EIF2AK2: variants seen among roughly 807,000 people sequenced by gnomAD.
EIF2AK2 encodes the protein eukaryotic translation initiation factor 2 alpha kinase 2.
In EIF2AK2, 40 loss-of-function variants were observed where a neutral mutation model predicts 70.5. The observed-to-expected ratio is 0.57, with a 90% CI of 0.44 to 0.74. EIF2AK2 has a LOEUF of 0.74. Among genes scored for constraint, EIF2AK2 ranks in the 30% least tolerant of loss-of-function variants. The pLI is 0.00. For missense variants in EIF2AK2, 555 were observed against 644.3 expected, an observed-to-expected ratio of 0.86 and a Z score of 1.50; for synonymous variants, 198 against 220.9, an observed-to-expected ratio of 0.90 and a Z score of 0.92.
rs1673977890 is a variant in EIF2AK2, at chr2:37,106,796, C to A, written c.*477G>T. On this transcript the variant is annotated 3_prime_UTR_variant, in exon 17 of 17. Coordinates refer to ENST00000233057, the MANE Select transcript of EIF2AK2 (RefSeq NM_001135651.3). The stretch of plus-strand genomic sequence containing the variant: ...CGGTGGCTCATCCCTGTAATCCCAG[C>A]ACTTTGGGAGGCCGAGGCAGGTGGA... The A allele has an allele frequency of 6.6e-6, 1 of 152,648 alleles. No homozygotes were observed. The allele number at this position is 152,648 out of a possible 1,614,324, so 9.5% of individuals were successfully genotyped here.
intron 13 of EIF2AK2, 114 bp downstream of exon 13, chr2:37,119,845 G>T: frequency 1.8e-6 from 1 of 540,836 alleles, no homozygotes; most frequent in Non-Finnish European, 2.7e-6. Context: ...GCCTGCCTCA[G>T]CCTCCCAAAG....
In EIF2AK2 at chr2:37,147,125, C is replaced by T. The variant is rs954522545; in HGVS notation, c.120-152G>A. ...TAAGCAGTCACCTCAAACAGTAAAG[C>T]AGCATGTCTTGTTGAAGCATGGAAA... On this transcript the variant is annotated intron_variant, in intron 3 of 16. Transcript: ENST00000233057. The T allele has an allele frequency of 7.3e-6, 5 of 680,808 alleles. No homozygotes were observed. In the African/African-American group the frequency reaches 9.3e-5, roughly 13 times the overall value. The allele number at this position is 680,808 out of a possible 1,614,324, so 42.2% of individuals were successfully genotyped here.
chr2:37,147,587 G>A, intron 3 of EIF2AK2, 101 bp downstream of exon 3: 1 of 718,312 alleles, frequency 1.4e-6, no homozygotes, highest in Non-Finnish European at 2.3e-6. Context: ...CCTTGCGATA[G>A]TTTGCTGAGA....
intron 10 of EIF2AK2, among the ~76,000 whole-genome samples, chr2:37,134,124 C>A (rs1361852337): frequency 6.6e-6 from 1 of 152,162 alleles, no homozygotes; most frequent in Non-Finnish European, 1.5e-5. Context: ...GAAAACGTAA[C>A]CCTAATCTAT....
intron 13 of EIF2AK2, among the ~76,000 whole-genome samples, chr2:37,118,446 G>A (rs10172065): frequency 0.012 from 1,793 of 152,294 alleles, 39 homozygotes; most frequent in African/African-American, 0.041. Context: ...CACACGGTGT[G>A]GGGCATAGTT....
chr2:37,110,545 G>C (rs558025966), intron 14 of EIF2AK2, among the ~76,000 whole-genome samples: 107 of 152,276 alleles, frequency 7.0e-4, no homozygotes, highest in African/African-American at 2.4e-3. Flanking sequence ...AGAGCCACTG[G>C]CCTATTGTGT....
intron 1 of EIF2AK2, chr2:37,149,263 A>G: frequency 9.3e-7 from 1 of 1,077,206 alleles, no homozygotes; most frequent in Non-Finnish European, 1.4e-6. Context: ...GCAAACTGAA[A>G]TTGAAGGAGG....
chr2:37,136,635 G>A (rs941571177), intron 9 of EIF2AK2: 1 of 162,208 alleles, frequency 6.2e-6, no homozygotes, highest in Non-Finnish European at 1.3e-5. Flanking sequence ...TTTAATCCAA[G>A]TTTTTATGCT....
At chr2:37,139,538 G>T in intron 6 of EIF2AK2, 93 bp downstream of exon 6, 2 of 1,500,938 alleles carry the variant, frequency 1.3e-6, no homozygotes, top group Non-Finnish European at 1.8e-6. Flanking sequence ...TAAATCACTG[G>T]CTGTCTTGGC....
chr2:37,121,027 G>T (rs1304808540), intron 12 of EIF2AK2, among the ~76,000 whole-genome samples: 3 of 148,948 alleles, frequency 2.0e-5, no homozygotes, highest in African/African-American at 4.9e-5. Context: ...ACTTTGGGAG[G>T]CCGAGGCGGG....
At chr2:37,128,002 A>C (rs1674803673) in intron 10 of EIF2AK2, among the ~76,000 whole-genome samples, 1 of 152,130 alleles carries the variant, frequency 6.6e-6, no homozygotes, top group South Asian at 2.1e-4. Context: ...TCAGCCTCCC[A>C]AAGTGCTGGG....
At chr2:37,126,085 T>C (rs996313599) in intron 11 of EIF2AK2, among the ~76,000 whole-genome samples, 2 of 152,146 alleles carry the variant, frequency 1.3e-5, no homozygotes, top group South Asian at 2.1e-4. Context: ...GGATGATCAA[T>C]GGTATATCCA....
intron 1 of EIF2AK2, among the ~76,000 whole-genome samples, chr2:37,151,588 A>G (rs997495987): frequency 8.5e-5 from 13 of 152,232 alleles, no homozygotes; most frequent in Non-Finnish European, 1.2e-4. Flanking sequence ...CCATTCCTAG[A>G]TATTTCAAAG....
At chr2:37,150,831 C>T (rs1675716234) in intron 1 of EIF2AK2, among the ~76,000 whole-genome samples, 1 of 152,106 alleles carries the variant, frequency 6.6e-6, no homozygotes, top group South Asian at 2.1e-4. Flanking sequence ...CAAAAATCTC[C>T]CCTCTGAATT....
intron 10 of EIF2AK2, 152 bp downstream of exon 10, chr2:37,135,332 T>C: frequency 3.6e-6 from 2 of 552,764 alleles, no homozygotes; most frequent in Non-Finnish European, 6.2e-6. Flanking sequence ...CCCCTCTTAA[T>C]GATAAGCCTA....
chr2:37,128,539 G>A (rs114992182), intron 10 of EIF2AK2, among the ~76,000 whole-genome samples: 2,232 of 152,210 alleles, frequency 0.015, 20 homozygotes, highest in Non-Finnish European at 0.022. Flanking sequence ...TCAATCGTGC[G>A]CCGGATAGTG....
Position 37,117,358 on chromosome 2 carries a change from C to T in EIF2AK2, c.1249-2499G>A, listed in dbSNP as rs1233548750. On this transcript the variant is annotated intron_variant, in intron 13 of 16. Coordinates refer to ENST00000233057, the MANE Select transcript of EIF2AK2 (RefSeq NM_001135651.3). ...TTCGAGACCAACCAGGGCAACATGGCAAAATCCTGTCTCCACAAAATGTCA... is the reference window on the plus strand; with the variant it reads ...TTCGAGACCAACCAGGGCAACATGGTAAAATCCTGTCTCCACAAAATGTCA... Among the ~76,000 whole-genome samples the T allele has an allele frequency of 3.3e-5, 5 of 152,010 alleles. No homozygotes were observed. In the East Asian group the frequency reaches 7.7e-4, roughly 23 times the overall value.
Position 37,126,306 on chromosome 2 carries a change from A to G in EIF2AK2, c.891T>C (p.Arg297=), listed in dbSNP as rs779362072. 9.4e-6 allele frequency: 15 copies of G among 1,602,552 alleles called. No individual in the cohort carries two copies. Among genetic ancestry groups the G allele is most frequent in the African/African-American group, 2.7e-5 (2 of 74,220 alleles). ...RIDGKTYVIK[R]VKYNNEKAER... is the part of the protein sequence containing the mutation. ...CTACTTACTCGTTATTATATTTAAC[A>G]CGTTTAATAACGTAAGTCTTTCCGT... The change falls in exon 11 of 17, where the codon CGT becomes CGC. Residue 297 remains arginine, a synonymous_variant. Coordinates refer to ENST00000233057, the MANE Select transcript of EIF2AK2 (RefSeq NM_001135651.3).
At chr2:37,110,275 A>G (rs1313841318) in intron 14 of EIF2AK2, among the ~76,000 whole-genome samples, 2 of 143,624 alleles carry the variant, frequency 1.4e-5, no homozygotes, top group African/African-American at 5.2e-5. Context: ...TTGTTTTTTT[A>G]GTGGAGATGG....
Sources: allele counts gnomAD v4.1 joint callset (sites outside exome capture counted in the v4.1 genomes callset), GRCh38; gene constraint gnomAD v4.1.1; transcripts MANE v1.5; gene names NCBI Gene and HGNC (gene_info 2026-07-23, HGNC 2026-07-21).